EYA1: variants seen among roughly 807,000 people sequenced by gnomAD.
EYA1 encodes the protein EYA transcriptional coactivator and phosphatase 1, also known as protein phosphatase EYA1.
In EYA1, 16 loss-of-function variants were observed where a neutral mutation model predicts 82.0. The ratio of observed to expected loss-of-function variants is 0.20; its 90% CI spans 0.13 to 0.30. EYA1 has a LOEUF of 0.30. Among genes scored for constraint, EYA1 ranks in the 10% least tolerant of loss-of-function variants. The pLI is 1.00. For missense variants in EYA1, 633 were observed against 730.7 expected, an observed-to-expected ratio of 0.87 and a Z score of 1.54; for synonymous variants, 261 against 264.4, an observed-to-expected ratio of 0.99 and a Z score of 0.12.
In EYA1 at chr8:71,374,049, G is replaced by C. The variant is rs140613624; in HGVS notation, c.34-17538C>G. ...CATACAACTCTTAGAAGAAAACAGGGGAAAAACTCCTTGACTTTGGTCTTG... is the reference window on the plus strand; with the variant it reads ...CATACAACTCTTAGAAGAAAACAGGCGAAAAACTCCTTGACTTTGGTCTTG... On this transcript the variant is annotated intron_variant, in intron 2 of 18. Transcript: ENST00000643681. 9.2e-5 allele frequency among the ~76,000 whole-genome samples: 14 copies of C among 151,976 alleles called. No homozygotes were observed. In the East Asian group the frequency reaches 1.9e-3, roughly 21 times the overall value.
intron 11 of EYA1, among the ~76,000 whole-genome samples, chr8:71,268,588 T>C (rs181735683): frequency 4.3e-4 from 66 of 152,320 alleles, no homozygotes; most frequent in African/African-American, 1.5e-3. Flanking sequence ...TGTTGTCTTC[T>C]TATAGAGAAT....
At chr8:71,401,217 G>A (rs1383610751) in intron 2 of EYA1, among the ~76,000 whole-genome samples, 1 of 152,112 alleles carries the variant, frequency 6.6e-6, no homozygotes, top group African/African-American at 2.4e-5. Context: ...GATAGATGCA[G>A]CAAACCACCA....
chr8:71,500,322 C>T (rs1811721902), intron 2 of EYA1, among the ~76,000 whole-genome samples: 1 of 152,106 alleles, frequency 6.6e-6, no homozygotes, highest in Non-Finnish European at 1.5e-5. Flanking sequence ...AAGATAGAAA[C>T]CAGACTTGAC....
chr8:71,269,622 T>A (rs561380106), intron 11 of EYA1, 118 bp downstream of exon 11: 10 of 693,796 alleles, frequency 1.4e-5, no homozygotes, highest in Non-Finnish European at 7.4e-6. Flanking sequence ...GACTATATAG[T>A]TCTTCTCCAT....
At chr8:71,290,701 CA>C (rs1006847729) in intron 9 of EYA1, among the ~76,000 whole-genome samples, 3 of 151,930 alleles carry the variant, frequency 2.0e-5, no homozygotes, top group African/African-American at 7.3e-5. Flanking sequence ...TCACAGGTAA[CA>C]AAACTCATTT....
chr8:71,363,791 T>C (rs1051376473), upstream of EYA1, among the ~76,000 whole-genome samples: 2 of 152,152 alleles, frequency 1.3e-5, no homozygotes, highest in African/African-American at 4.8e-5. Context: ...ATCTAAAATT[T>C]GAGATGTTGG....
intron 12 of EYA1, chr8:71,225,313 T>C (rs745627197): frequency 2.2e-6 from 1 of 456,156 alleles, no homozygotes; most frequent in South Asian, 1.5e-5. Flanking sequence ...CTCCTGGAGA[T>C]GGGGAGGGTA....
At chr8:71,365,158 A>ATTAACTTCATGAG (rs2129083626), upstream of EYA1, among the ~76,000 whole-genome samples, 1 of 151,754 alleles carries the variant, frequency 6.6e-6, no homozygotes, top group Admixed American at 6.6e-5. Flanking sequence ...TTAACAGTTG[A>ATTAACTTCATGAG]TTAATCAAAT....
intron 2 of EYA1, among the ~76,000 whole-genome samples, chr8:71,408,097 A>C (rs376913302): frequency 8.1e-4 from 123 of 152,172 alleles, no homozygotes; most frequent in Admixed American, 1.7e-3. Context: ...AATTTTCAAC[A>C]CAGAATTTCA....
intron 2 of EYA1, chr8:71,403,434 A>G (rs1393705314): frequency 6.6e-6 from 1 of 152,210 alleles, no homozygotes; most frequent in Non-Finnish European, 1.5e-5. Context: ...AAAATGCCAC[A>G]ACATATTGGA....
intron 9 of EYA1, among the ~76,000 whole-genome samples, chr8:71,274,420 C>G (rs116816963): frequency 6.6e-6 from 1 of 152,148 alleles, no homozygotes; most frequent in Non-Finnish European, 1.5e-5. Context: ...ATTTAATCTT[C>G]TAATCCACTG....
At chr8:71,221,951 A>AG (rs1381954116) in intron 12 of EYA1, among the ~76,000 whole-genome samples, 1 of 152,222 alleles carries the variant, frequency 6.6e-6, no homozygotes, top group African/African-American at 2.4e-5. Flanking sequence ...ACATGCCGGC[A>AG]GCCCACCCTA....
At chr8:71,289,769 G>A (rs1239289654) in intron 9 of EYA1, among the ~76,000 whole-genome samples, 1 of 152,162 alleles carries the variant, frequency 6.6e-6, no homozygotes, top group Non-Finnish European at 1.5e-5. Context: ...CCTGGCACTA[G>A]TAAATGTTCA....
intron 2 of EYA1, among the ~76,000 whole-genome samples, chr8:71,451,977 C>T (rs1203149624): frequency 6.6e-6 from 1 of 152,214 alleles, no homozygotes; most frequent in Non-Finnish European, 1.5e-5. Flanking sequence ...GAGGCATCGC[C>T]TCACCTGGGA....
intron 12 of EYA1, among the ~76,000 whole-genome samples, chr8:71,219,592 A>G (rs1182300933): frequency 1.3e-5 from 2 of 152,234 alleles, no homozygotes; most frequent in Non-Finnish European, 2.9e-5. Context: ...AAATAATGAC[A>G]TAAAATGCCT....
At chr8:71,308,294 G>T (rs920965) in intron 7 of EYA1, among the ~76,000 whole-genome samples, 100,935 of 152,044 alleles carry the variant, frequency 0.66, 33,804 homozygotes, top group East Asian at 0.89. Context: ...TGGAATCAAA[G>T]GATCCCATTT....
At chr8:71,478,191 C>A (rs541662552) in intron 2 of EYA1, among the ~76,000 whole-genome samples, 1 of 152,148 alleles carries the variant, frequency 6.6e-6, no homozygotes, top group Admixed American at 6.5e-5. Flanking sequence ...GTAAAATATA[C>A]CTCAGTAAAG....
At chr8:71,474,555 G>A (rs1054383288) in intron 2 of EYA1, among the ~76,000 whole-genome samples, 2 of 152,038 alleles carry the variant, frequency 1.3e-5, no homozygotes, top group African/African-American at 4.8e-5. Context: ...CCTACAAATT[G>A]CTTTTAATTC....
chr8:71,267,784 G>A (rs1021911072), intron 11 of EYA1, among the ~76,000 whole-genome samples: 56 of 152,074 alleles, frequency 3.7e-4, no homozygotes, highest in African/African-American at 1.2e-3. Context: ...TCCTGACCTC[G>A]TGATCCACCC....
Sources: gnomAD v4.1 joint callset for allele counts (sites outside exome capture counted in the v4.1 genomes callset) on GRCh38, gnomAD v4.1.1 for gene constraint, MANE v1.5 for transcripts, NCBI Gene and HGNC (gene_info 2026-07-23, HGNC 2026-07-21) for gene names.